UMAD1: variants seen among roughly 807,000 people sequenced by gnomAD.
UMAD1 encodes UBAP1-MVB12-associated (UMA) domain containing 1.
In UMAD1, 8 loss-of-function variants were observed where a neutral mutation model predicts 6.1. That is an observed-to-expected ratio of 1.30 (90% CI 0.76 to 2.35). The LOEUF (loss-of-function observed/expected upper bound fraction) is 2.35. Among genes scored for constraint, UMAD1 ranks in the 30% most tolerant of loss-of-function variants. The pLI is 0.00. For missense variants in UMAD1, 130 were observed against 78.4 expected, an observed-to-expected ratio of 1.66 and a Z score of -2.49; for synonymous variants, 56 against 31.4, an observed-to-expected ratio of 1.78 and a Z score of -2.61.
At chr7:7,744,607 T>TA (rs1340152906) in intron 2 of UMAD1, among the ~76,000 whole-genome samples, 3 of 151,858 alleles carry the variant, frequency 2.0e-5, no homozygotes, top group Admixed American at 6.6e-5. Flanking sequence ...TTTTTTTTTT[T>TA]TTATTATAGT....
chr7:7,715,828 TA>T (rs1554318925), intron 2 of UMAD1, among the ~76,000 whole-genome samples: 3 of 152,158 alleles, frequency 2.0e-5, no homozygotes, highest in Non-Finnish European at 4.4e-5. Flanking sequence ...TCATATAAAA[TA>T]GAATAGCATC....
chr7:7,728,665 T>C (rs1781190180), intron 2 of UMAD1, among the ~76,000 whole-genome samples: 1 of 151,130 alleles, frequency 6.6e-6, no homozygotes, highest in Non-Finnish European at 1.5e-5. Flanking sequence ...AAAAAACACC[T>C]ATCTCAGAGG....
intron 2 of UMAD1, chr7:7,676,108 C>A (rs1779731103): frequency 2.5e-6 from 1 of 398,580 alleles, no homozygotes; most frequent in Non-Finnish European, 4.4e-6. Flanking sequence ...GCAGAAGCAT[C>A]TCAGAGGCTC....
chr7:7,700,664 G>C (rs536836972), intron 2 of UMAD1, among the ~76,000 whole-genome samples: 2 of 152,326 alleles, frequency 1.3e-5, no homozygotes, highest in South Asian at 4.1e-4. Context: ...TAGGTGAGCA[G>C]ATCACCCAAG....
chr7:7,669,960 G>C (rs1315240910), intron 1 of UMAD1, among the ~76,000 whole-genome samples: 1 of 152,034 alleles, frequency 6.6e-6, no homozygotes, highest in Non-Finnish European at 1.5e-5. Flanking sequence ...ATAATGTTCT[G>C]ATGTTTGGAA....
At chr7:7,864,781 G>A (rs975686211) in intron 3 of UMAD1, among the ~76,000 whole-genome samples, 7 of 152,026 alleles carry the variant, frequency 4.6e-5, no homozygotes, top group African/African-American at 1.7e-4. Flanking sequence ...CAGAATGAAG[G>A]ACCATTTGCC....
intron 3 of UMAD1, among the ~76,000 whole-genome samples, chr7:7,828,025 A>C (rs1171456347): frequency 6.6e-6 from 1 of 152,208 alleles, no homozygotes; most frequent in Non-Finnish European, 1.5e-5. Context: ...TCTTTTGAAT[A>C]TGTCAGGTTA....
At chr7:7,733,132 T>A (rs1262391198) in intron 2 of UMAD1, among the ~76,000 whole-genome samples, 1 of 152,186 alleles carries the variant, frequency 6.6e-6, no homozygotes, top group Non-Finnish European at 1.5e-5. Context: ...TATTGTTTTT[T>A]CAAACAGCAG....
At chr7:7,832,700 G>A (rs1268028632) in intron 3 of UMAD1, among the ~76,000 whole-genome samples, 2 of 152,172 alleles carry the variant, frequency 1.3e-5, no homozygotes, top group Non-Finnish European at 1.5e-5. Context: ...ATGCTACCAC[G>A]AAGGGGGATC....
chr7:7,737,136 T>C (rs1781375354), intron 2 of UMAD1, among the ~76,000 whole-genome samples: 1 of 152,232 alleles, frequency 6.6e-6, no homozygotes, highest in South Asian at 2.1e-4. Context: ...ACAAATTATA[T>C]ATAATTTCTG....
At chr7:7,683,134 G>A (rs888793503) in intron 2 of UMAD1, among the ~76,000 whole-genome samples, 8 of 152,154 alleles carry the variant, frequency 5.3e-5, no homozygotes, top group Non-Finnish European at 2.9e-5. Context: ...CCTTCTGTTT[G>A]GCACAGTTAA....
intron 3 of UMAD1, among the ~76,000 whole-genome samples, chr7:7,805,194 C>A (rs952001330): frequency 6.6e-6 from 1 of 152,108 alleles, no homozygotes; most frequent in Non-Finnish European, 1.5e-5. Flanking sequence ...GCCTATGTAA[C>A]ATTTCACTTA....
chr7:7,827,429 A>T (rs1783370522), intron 3 of UMAD1, among the ~76,000 whole-genome samples: 1 of 152,086 alleles, frequency 6.6e-6, no homozygotes, highest in Non-Finnish European at 1.5e-5. Context: ...TAGGATATTT[A>T]TCGTACTATA....
chr7:7,746,423 C>T (rs1445054225), intron 2 of UMAD1, among the ~76,000 whole-genome samples: 1 of 152,190 alleles, frequency 6.6e-6, no homozygotes, highest in East Asian at 1.9e-4. Flanking sequence ...TAAAAATGCT[C>T]CTTTCTCTTA....
intron 3 of UMAD1, among the ~76,000 whole-genome samples, chr7:7,841,283 A>G (rs1398791814): frequency 1.3e-5 from 2 of 151,206 alleles, no homozygotes; most frequent in East Asian, 3.9e-4. Flanking sequence ...GCAAGGAATT[A>G]TAGCTACGAA....
Position 7,721,925 on chromosome 7 carries a change from C to T in UMAD1, c.82+48472C>T, listed in dbSNP as rs1239834524. On this transcript the variant is annotated intron_variant, in intron 2 of 3. Transcript: ENST00000682710. Reference sequence around the variant, plus strand: ...GATGGGCACTATCTAATCAGCTGCCCGCTTGGCTGGGATATAAAGCAGGCA... The same window carrying T: ...GATGGGCACTATCTAATCAGCTGCCTGCTTGGCTGGGATATAAAGCAGGCA... Among the ~76,000 whole-genome samples the T allele has an allele frequency of 3.3e-5, 5 of 152,018 alleles. No individual in the cohort carries two copies. The East Asian group carries it at 5.8e-4, about 18-fold the overall frequency.
intron 3 of UMAD1, among the ~76,000 whole-genome samples, chr7:7,856,949 T>A (rs1583876540): frequency 6.6e-6 from 1 of 152,220 alleles, no homozygotes; most frequent in African/African-American, 2.4e-5. Context: ...ACTCAGAATT[T>A]AAAAAATTTT....
rs534394300 is a variant in UMAD1 at position 7,695,084 on chromosome 7, C to T, written c.82+21631C>T. On this transcript the variant is annotated intron_variant, in intron 2 of 3. Transcript: ENST00000682710. ...TTCTTTTGGATAAAAGCCATTTTAA[C>T]TGGGGTGAGATGATATCTTGTTGTA... Among the ~76,000 whole-genome samples the T allele has an allele frequency of 4.9e-4, 74 of 152,296 alleles. 1 individual carries two copies. The highest frequency in any genetic ancestry group is 1.7e-3 in the African/African-American group (69 of 41,562).
At chr7:7,674,028 TCATGTCA>T (rs1302124804) in intron 2 of UMAD1, among the ~76,000 whole-genome samples, 1 of 152,222 alleles carries the variant, frequency 6.6e-6, no homozygotes, top group East Asian at 1.9e-4. Flanking sequence ...TTCCTCCATG[TCATGTCA>T]CATTTCTTCC....
Sources: allele counts gnomAD v4.1 joint callset (sites outside exome capture counted in the v4.1 genomes callset), GRCh38; gene constraint gnomAD v4.1.1; transcripts MANE v1.5; gene names NCBI Gene and HGNC (gene_info 2026-07-23, HGNC 2026-07-21).